The following TXNRD1 variants were observed in gnomAD, a reference collection of about 807,000 sequenced individuals.
TXNRD1 encodes thioredoxin reductase 1.
TXNRD1 carries 57 observed loss-of-function variants against 80.3 expected under a neutral mutation model. The ratio of observed to expected loss-of-function variants is 0.71; its 90% confidence interval spans 0.57 to 0.89. The LOEUF is 0.89. Ranked by LOEUF, TXNRD1 falls within the 40% of genes least tolerant of loss-of-function variation. The pLI, the probability that TXNRD1 is intolerant of heterozygous loss-of-function variation, is 0.00. For missense variants in TXNRD1, 730 were observed against 803.0 expected (o/e 0.91, Z 1.10); for synonymous variants, 291 against 285.2 (o/e 1.02, Z -0.20).
intron 1 of TXNRD1, among the ~76,000 whole-genome samples, chr12:104,241,665 G>A (rs2032870355): frequency 6.6e-6 from 1 of 152,068 alleles, no homozygotes; most frequent in South Asian, 2.1e-4. Flanking sequence ...ACCACACCCA[G>A]CCAGTCTGAT....
chr12:104,285,129 G>A (rs540244234), intron 3 of TXNRD1, among the ~76,000 whole-genome samples: 114 of 152,202 alleles, frequency 7.5e-4, no homozygotes, highest in African/African-American at 2.6e-3. Context: ...GAGCTGAGAT[G>A]CGCCACTGCA....
chr12:104,325,265 T>C, intron 10 of TXNRD1, 72 bp from the exon 11 acceptor site: 1 of 1,191,318 alleles, frequency 8.4e-7, no homozygotes, highest in Non-Finnish European at 1.2e-6. Flanking sequence ...GTTAACCAGA[T>C]GGAAGGGGAA....
intron 4 of TXNRD1, among the ~76,000 whole-genome samples, chr12:104,293,659 C>T (rs576141908): frequency 4.4e-4 from 67 of 152,268 alleles, no homozygotes; most frequent in African/African-American, 1.5e-3. Flanking sequence ...CCATGTTGTC[C>T]AGTGTAGGGA....
At chr12:104,347,628 C>G (rs1194239292) in intron 16 of TXNRD1, among the ~76,000 whole-genome samples, 1 of 152,168 alleles carries the variant, frequency 6.6e-6, no homozygotes, top group African/African-American at 2.4e-5. Context: ...AATGTCACAG[C>G]ATCGTATTGC....
At chr12:104,333,335 T>C (rs2036025099) in intron 14 of TXNRD1, among the ~76,000 whole-genome samples, 1 of 152,124 alleles carries the variant, frequency 6.6e-6, no homozygotes, top group Non-Finnish European at 1.5e-5. Flanking sequence ...TAAAATTTGC[T>C]TTGTTATTAT....
intron 4 of TXNRD1, among the ~76,000 whole-genome samples, chr12:104,289,694 A>C (rs2034111085): frequency 6.6e-6 from 1 of 151,824 alleles, no homozygotes; most frequent in South Asian, 2.1e-4. Flanking sequence ...ACAGTGTTAG[A>C]AAAATGCTTG....
intron 1 of TXNRD1, among the ~76,000 whole-genome samples, chr12:104,250,827 G>A (rs1415093007): frequency 1.3e-5 from 2 of 152,062 alleles, no homozygotes; most frequent in Non-Finnish European, 2.9e-5. Context: ...GAAGAAGATG[G>A]ATAGTTTAAA....
At chr12:104,278,948 T>C (rs2033821199) in intron 3 of TXNRD1, among the ~76,000 whole-genome samples, 1 of 152,266 alleles carries the variant, frequency 6.6e-6, no homozygotes, top group Non-Finnish European at 1.5e-5. Flanking sequence ...TTTACAGATT[T>C]AATCTCTCAA....
intron 15 of TXNRD1, among the ~76,000 whole-genome samples, chr12:104,338,468 G>A (rs934808634): frequency 1.3e-5 from 2 of 151,490 alleles, no homozygotes; most frequent in African/African-American, 2.4e-5. Context: ...GCCGAGGTGC[G>A]TGGATCACCT....
intron 2 of TXNRD1, among the ~76,000 whole-genome samples, chr12:104,252,635 T>G (rs2033141695): frequency 9.5e-6 from 1 of 105,700 alleles, no homozygotes; most frequent in Admixed American, 1.0e-4. Flanking sequence ...TCTGTCCAGG[T>G]TCACTGAGAG....
intron 4 of TXNRD1, chr12:104,291,147 A>C: frequency 1.7e-6 from 1 of 581,642 alleles, no homozygotes; most frequent in East Asian, 3.2e-5. Flanking sequence ...AGAACACTTA[A>C]AAGAAATCAT....
In TXNRD1 at chr12:104,254,644, A is replaced by AAAAAAAAAAAT; in HGVS notation, c.243+2967_243+2968insAAAAAAAAATA. Among the ~76,000 whole-genome samples the AAAAAAAAAAAT allele has an allele frequency of 5.9e-4, 55 of 93,616 alleles. 2 individuals are homozygous for AAAAAAAAAAAT. The highest frequency in any genetic ancestry group is 8.3e-4 in the African/African-American group (16 of 19,388). The allele number at this position is 93,616 out of a possible 152,430, so 61.4% of individuals were successfully genotyped here. On this transcript the variant is annotated intron_variant, in intron 2 of 16. Transcript: ENST00000525566. ...CTATGTCTATGGAAAAAAAAAAAAA[A>AAAAAAAAAAAT]ATATATATATATATATATATATCAG... is the stretch of plus-strand genomic sequence containing the variant.
At chr12:104,294,351 CA>C (rs2034362608) in intron 4 of TXNRD1, among the ~76,000 whole-genome samples, 1 of 151,674 alleles carries the variant, frequency 6.6e-6, no homozygotes, top group Admixed American at 6.6e-5. Flanking sequence ...CAGATGCTGG[CA>C]TCACCGCTAG....
intron 14 of TXNRD1, among the ~76,000 whole-genome samples, chr12:104,333,235 G>A (rs2036020464): frequency 6.6e-6 from 1 of 151,844 alleles, no homozygotes; most frequent in African/African-American, 2.4e-5. Context: ...TCCTGTGTGA[G>A]TGTGTATATA....
chr12:104,348,327 A>T, intron 16 of TXNRD1, 26 bp from the exon 17 acceptor site: 1 of 1,613,046 alleles, frequency 6.2e-7, no homozygotes, highest in Non-Finnish European at 8.5e-7. Flanking sequence ...GCATCTGAAG[A>T]TGTTGTGCTT....
intron 1 of TXNRD1, among the ~76,000 whole-genome samples, chr12:104,233,575 G>A (rs181920278): frequency 4.1e-4 from 62 of 152,308 alleles, no homozygotes; most frequent in South Asian, 2.1e-4. Flanking sequence ...AGGCTGGAGT[G>A]CAATGGCACA....
chr12:104,282,018 G>A (rs1200369304), intron 3 of TXNRD1, among the ~76,000 whole-genome samples: 1 of 152,198 alleles, frequency 6.6e-6, no homozygotes, highest in Non-Finnish European at 1.5e-5. Flanking sequence ...GAATAAAAAT[G>A]TGAGACAAGT....
intron 4 of TXNRD1, chr12:104,303,752 C>T: frequency 9.5e-7 from 1 of 1,051,116 alleles, no homozygotes; most frequent in Non-Finnish European, 1.3e-6. Context: ...GGCGGGCGTC[C>T]TCGGCTCTAA....
intron 16 of TXNRD1, among the ~76,000 whole-genome samples, chr12:104,344,863 A>T (rs1486350362): frequency 6.6e-6 from 1 of 152,244 alleles, no homozygotes; most frequent in Non-Finnish European, 1.5e-5. Flanking sequence ...TGATCCAGCA[A>T]TCCCACTACT....
Sources: gnomAD v4.1 joint callset for allele counts (sites outside exome capture counted in the v4.1 genomes callset) on GRCh38, gnomAD v4.1.1 for gene constraint, MANE v1.5 for transcripts, NCBI Gene and HGNC (gene_info 2026-07-23, HGNC 2026-07-21) for gene names.